The following PARD3 variants were observed in gnomAD, a reference collection of about 807,000 sequenced individuals.
The protein encoded by PARD3 is par-3 family cell polarity regulator.
In PARD3, 75 loss-of-function variants were observed where a neutral mutation model predicts 155.4. The observed-to-expected ratio is 0.48, with a 90% CI of 0.40 to 0.58. PARD3 has a LOEUF of 0.58. Ranked by LOEUF, PARD3 falls within the 20% of genes least tolerant of loss-of-function variation. The pLI is 0.00. For missense variants in PARD3, 1,642 were observed against 1,721.7 expected, an observed-to-expected ratio of 0.95 and a Z score of 0.82; for synonymous variants, 576 against 610.5, an observed-to-expected ratio of 0.94 and a Z score of 0.83.
At chr10:34,401,763 C>G (rs1843906913) in intron 6 of PARD3, 63 bp downstream of exon 6, 1 of 1,011,918 alleles carries the variant, frequency 9.9e-7, no homozygotes, top group East Asian at 2.4e-5. Context: ...TTTCAGAATA[C>G]TTGCTGCAAT....
At chr10:34,606,741 G>A (rs556580245) in intron 2 of PARD3, among the ~76,000 whole-genome samples, 61 of 151,530 alleles carry the variant, frequency 4.0e-4, no homozygotes, top group South Asian at 3.1e-3. Flanking sequence ...AGGCCAAGGC[G>A]GGCAGATCAC....
intron 7 of PARD3, among the ~76,000 whole-genome samples, chr10:34,392,231 A>C (rs1842929170): frequency 6.6e-6 from 1 of 152,232 alleles, no homozygotes; most frequent in Non-Finnish European, 1.5e-5. Flanking sequence ...TTTCAGCTTC[A>C]TGATGGAATT....
At chr10:34,502,140 A>C (rs1256425542) in intron 3 of PARD3, among the ~76,000 whole-genome samples, 2 of 152,220 alleles carry the variant, frequency 1.3e-5, no homozygotes, top group African/African-American at 4.8e-5. Context: ...TCAGCCACCC[A>C]GTCTAAGGTA....
At chr10:34,460,442 T>C (rs1056333470) in intron 4 of PARD3, among the ~76,000 whole-genome samples, 10 of 152,166 alleles carry the variant, frequency 6.6e-5, no homozygotes, top group Admixed American at 3.3e-4. Flanking sequence ...ACTTTATCAT[T>C]TAACAGCTGG....
chr10:34,277,205 T>A (rs1470850448), intron 21 of PARD3, among the ~76,000 whole-genome samples: 2 of 152,164 alleles, frequency 1.3e-5, no homozygotes, highest in Non-Finnish European at 2.9e-5. Context: ...CGAAATGAAA[T>A]TTAAGCTACA....
At chr10:34,680,858 T>C (rs1394519247) in intron 2 of PARD3, among the ~76,000 whole-genome samples, 4 of 137,382 alleles carry the variant, frequency 2.9e-5, no homozygotes, top group Non-Finnish European at 4.7e-5. Context: ...GGGGGAGGGA[T>C]AGCATTGGGA....
chr10:34,458,961 T>C (rs1444510656), intron 4 of PARD3, among the ~76,000 whole-genome samples: 1 of 151,992 alleles, frequency 6.6e-6, no homozygotes, highest in African/African-American at 2.4e-5. Context: ...GAAGGGTGAG[T>C]GTGTGAAAGA....
intron 5 of PARD3, among the ~76,000 whole-genome samples, chr10:34,415,671 C>T (rs919855699): frequency 6.6e-5 from 10 of 152,116 alleles, no homozygotes; most frequent in Admixed American, 2.6e-4. Flanking sequence ...CTCTGCTCAC[C>T]GGTATGGCAC....
At chr10:34,771,657 T>C (rs960132566) in intron 1 of PARD3, among the ~76,000 whole-genome samples, 5 of 152,242 alleles carry the variant, frequency 3.3e-5, no homozygotes, top group Admixed American at 1.3e-4. Context: ...CAAGGAACAG[T>C]TGTCACTAAC....
chr10:34,495,819 T>C (rs1345400819), intron 3 of PARD3, among the ~76,000 whole-genome samples: 1 of 143,192 alleles, frequency 7.0e-6, no homozygotes, highest in Non-Finnish European at 1.5e-5. Flanking sequence ...GAGTTCTTAA[T>C]GATATCTTTT....
rs150257222 is a variant in PARD3, at chr10:34,460,159, C to G, written c.583-9711G>C. 2.4e-4 allele frequency among the ~76,000 whole-genome samples: 36 copies of G among 152,216 alleles called. No individual in the cohort carries two copies. The East Asian group carries it at 6.6e-3, about 28-fold the overall frequency. ...AGAACTGAGTTCCTCTCTACCACCC[C>G]ATTAGCAGAAAAAGCATGTTCTCTA... On this transcript the variant is annotated intron_variant, in intron 4 of 24. Transcript: ENST00000374788.
intron 5 of PARD3, among the ~76,000 whole-genome samples, chr10:34,419,947 CTGAT>C (rs1282974396): frequency 6.6e-6 from 1 of 152,104 alleles, no homozygotes; most frequent in African/African-American, 2.4e-5. Context: ...ACTGTATTGA[CTGAT>C]TAATTGATTG....
intron 2 of PARD3, among the ~76,000 whole-genome samples, chr10:34,565,833 C>G (rs1398691250): frequency 6.6e-6 from 1 of 152,150 alleles, no homozygotes; most frequent in African/African-American, 2.4e-5. Context: ...ATGTGGAATT[C>G]AAATGATGGT....
intron 1 of PARD3, among the ~76,000 whole-genome samples, chr10:34,751,550 T>C (rs1836031884): frequency 6.6e-6 from 1 of 152,158 alleles, no homozygotes; most frequent in Admixed American, 6.5e-5. Context: ...CAGCCCTGGG[T>C]CTGGGGGTAG....
intron 3 of PARD3, among the ~76,000 whole-genome samples, chr10:34,492,179 C>T (rs755638178): frequency 2.0e-5 from 3 of 152,102 alleles, no homozygotes; most frequent in African/African-American, 2.4e-5. Context: ...TAATATGCCT[C>T]GTTAGTTTTC....
At chr10:34,309,615 A>AGAG (rs1336347107) in intron 20 of PARD3, among the ~76,000 whole-genome samples, 9 of 149,228 alleles carry the variant, frequency 6.0e-5, no homozygotes, top group Admixed American at 5.4e-4. Context: ...GATTTAGAAG[A>AGAG]GAGAAGAAAT....
chr10:34,256,836 G>A (rs1213785173), intron 22 of PARD3, among the ~76,000 whole-genome samples: 3 of 152,030 alleles, frequency 2.0e-5, no homozygotes, highest in Non-Finnish European at 4.4e-5. Flanking sequence ...AATGTGAAAT[G>A]CATATTCAAA....
intron 1 of PARD3, among the ~76,000 whole-genome samples, chr10:34,716,148 G>C (rs960829493): frequency 2.0e-5 from 3 of 152,082 alleles, no homozygotes; most frequent in Non-Finnish European, 4.4e-5. Context: ...TTACATACAT[G>C]GTTAGTTCTC....
chr10:34,403,403 G>C (rs1438273736), intron 5 of PARD3, among the ~76,000 whole-genome samples: 1 of 152,148 alleles, frequency 6.6e-6, no homozygotes, highest in African/African-American at 2.4e-5. Flanking sequence ...ACTCACAGTA[G>C]AAACGTGTAT....
Sources: allele counts gnomAD v4.1 joint callset (sites outside exome capture counted in the v4.1 genomes callset), GRCh38; gene constraint gnomAD v4.1.1; transcripts MANE v1.5; gene names NCBI Gene and HGNC (gene_info 2026-07-23, HGNC 2026-07-21).